Variants in RASGRP3 observed in about 807,000 individuals in gnomAD.
RASGRP3 encodes ras guanyl-releasing protein 3.
RASGRP3 carries 54 observed loss-of-function variants against 82.7 expected under a neutral mutation model. The observed-to-expected ratio is 0.65, with a 90% CI of 0.52 to 0.82. RASGRP3 has a LOEUF of 0.82. Among genes scored for constraint, RASGRP3 ranks in the 40% least tolerant of loss-of-function variants. The probability of loss-of-function intolerance (pLI) is 0.00; values close to 1 mark genes in which losing one functional copy is unlikely to be tolerated. For synonymous variants in RASGRP3, 309 were observed against 300.5 expected (o/e 1.03, Z -0.29); for missense variants, 861 against 828.9 (o/e 1.04, Z -0.48).
rs145482764 is a variant in RASGRP3, at chr2:33,554,869, G to A, written c.1543-662G>A. 2.8e-4 allele frequency among the ~76,000 whole-genome samples: 43 copies of A among 152,244 alleles called. No homozygotes were observed. The East Asian group carries it at 7.7e-3, about 27-fold the overall frequency. Reference sequence around the variant, plus strand: ...GAACCCCCTGGGCAAACGCTCCCTCGTGGAACTGCAGGCCCTCACATCTCC... The same window carrying A: ...GAACCCCCTGGGCAAACGCTCCCTCATGGAACTGCAGGCCCTCACATCTCC... On this transcript the variant is annotated intron_variant, in intron 14 of 17. Coordinates refer to ENST00000403687, the MANE Select transcript of RASGRP3 (RefSeq NM_001139488.2).
chr2:33,487,380 T>G (rs563177047), intron 1 of RASGRP3, among the ~76,000 whole-genome samples: 6 of 152,194 alleles, frequency 3.9e-5, no homozygotes, highest in African/African-American at 1.4e-4. Context: ...ACAATGATAA[T>G]AGAGAGGGTG....
rs529140661 is a variant in RASGRP3, at chr2:33,471,524, G to T, written c.-261+23581G>T. Among the ~76,000 whole-genome samples, 6 of 151,708 alleles carry T rather than the reference G, an allele frequency of 4.0e-5. No homozygotes were observed. The East Asian group carries it at 9.7e-4, about 24-fold the overall frequency. On this transcript the variant is annotated intron_variant, in intron 2 of 18. Transcript: ENST00000402538. ...AGGGCAACCTATGTTTACGTATGAA[G>T]TTAGTCTGTGGTTTTCTTTATTATG...
At position 33,562,812 on chromosome 2, in the gene RASGRP3, C is replaced by G. The variant is rs925221867; in HGVS notation, c.*75C>G. 1.9e-6 allele frequency: 3 copies of G among 1,551,550 alleles called. No homozygotes were observed. Among genetic ancestry groups the G allele is most frequent in the Non-Finnish European group, 2.7e-6 (3 of 1,125,084 alleles). ...AAGACGAGAAACTCTGAAGAAAGCT[C>G]TGACTCTCAGGAAGTTATCTGGAAA... On this transcript the variant is annotated 3_prime_UTR_variant, in exon 18 of 18. Transcript: ENST00000403687.
intron 2 of RASGRP3, among the ~76,000 whole-genome samples, chr2:33,457,085 G>A (rs1022811768): frequency 2.0e-5 from 3 of 151,738 alleles, no homozygotes; most frequent in South Asian, 2.1e-4. Context: ...TGACCAGGCT[G>A]GTCTCAAACT....
chr2:33,520,815 T>C (rs1406822514), intron 6 of RASGRP3, 131 bp downstream of exon 6: 1 of 1,282,898 alleles, frequency 7.8e-7, no homozygotes, highest in Admixed American at 2.1e-5. Context: ...AAAGCCTTGC[T>C]GCAGTGAGCG....
At chr2:33,533,470 T>C (rs527738629) in intron 10 of RASGRP3, 1 of 152,374 alleles carries the variant, frequency 6.6e-6, no homozygotes, top group Admixed American at 6.5e-5. Context: ...ATAACACTTC[T>C]TGAGATTTTA....
intron 1 of RASGRP3, among the ~76,000 whole-genome samples, chr2:33,508,015 A>C (rs1484129928): frequency 6.6e-6 from 1 of 152,198 alleles, no homozygotes; most frequent in African/African-American, 2.4e-5. Flanking sequence ...ATTTCTTTTG[A>C]AAATAGATTC....
chr2:33,506,082 C>A (rs1376169932), intron 1 of RASGRP3, among the ~76,000 whole-genome samples: 1 of 152,134 alleles, frequency 6.6e-6, no homozygotes, highest in Non-Finnish European at 1.5e-5. Context: ...TGCAACAAGG[C>A]CTTGTGAGAT....
chr2:33,490,343 A>G (rs1030063632), intron 1 of RASGRP3, among the ~76,000 whole-genome samples: 1 of 152,016 alleles, frequency 6.6e-6, no homozygotes, highest in Non-Finnish European at 1.5e-5. Flanking sequence ...TTGTTTCTTT[A>G]CCTCTCATTT....
intron 11 of RASGRP3, among the ~76,000 whole-genome samples, chr2:33,538,221 G>T (rs976731615): frequency 6.6e-6 from 1 of 152,192 alleles, no homozygotes; most frequent in East Asian, 1.9e-4. Flanking sequence ...ATGGAATTTA[G>T]TCTGGATGTG....
At chr2:33,516,703 AGAGT>A in intron 4 of RASGRP3, 59 bp downstream of exon 4, 1 of 1,180,596 alleles carries the variant, frequency 8.5e-7, no homozygotes, top group Non-Finnish European at 1.2e-6. Context: ...GTATTTAGAT[AGAGT>A]GTCTATCCAA....
In RASGRP3 at chr2:33,563,827, A is replaced by C. The variant is rs1362265678; in HGVS notation, c.*1090A>C. On this transcript the variant is annotated 3_prime_UTR_variant, in exon 18 of 18. Coordinates refer to ENST00000403687, the MANE Select transcript of RASGRP3 (RefSeq NM_001139488.2). ...TTAACATTTCATTTAAGCTTTTAAA[A>C]TATCAATTTTTTAAATAGCTCCCAT... 1 of 152,218 alleles carries C rather than the reference A, an allele frequency of 6.6e-6. No homozygotes were observed. The highest frequency in any genetic ancestry group is 2.4e-5 in the African/African-American group (1 of 41,474). The allele number at this position is 152,218 out of a possible 1,614,324, so 9.4% of individuals were successfully genotyped here.
At chr2:33,465,920 A>C (rs1431012865) in intron 2 of RASGRP3, among the ~76,000 whole-genome samples, 1 of 151,050 alleles carries the variant, frequency 6.6e-6, no homozygotes, top group Non-Finnish European at 1.5e-5. Flanking sequence ...ACATTTGTTT[A>C]TAGCCTGGTA....
At chr2:33,456,750 A>G (rs767718092) in intron 2 of RASGRP3, among the ~76,000 whole-genome samples, 10 of 152,274 alleles carry the variant, frequency 6.6e-5, no homozygotes, top group South Asian at 4.1e-4. Context: ...AATTAATCCA[A>G]TTCACACACA....
intron 1 of RASGRP3, among the ~76,000 whole-genome samples, chr2:33,441,182 G>C (rs1574210768): frequency 6.6e-6 from 1 of 152,060 alleles, no homozygotes; most frequent in East Asian, 1.9e-4. Flanking sequence ...GTGAGCCACG[G>C]CACCCAGCCT....
At chr2:33,524,667 A>G in intron 9 of RASGRP3, 119 bp downstream of exon 9, 3 of 736,862 alleles carry the variant, frequency 4.1e-6, no homozygotes, top group Non-Finnish European at 6.6e-6. Flanking sequence ...AACCAGTGGT[A>G]GGTTATAAAT....
chr2:33,542,462 T>A (rs1257199561), intron 12 of RASGRP3, among the ~76,000 whole-genome samples: 2 of 147,416 alleles, frequency 1.4e-5, no homozygotes, highest in Admixed American at 6.9e-5. Context: ...TCATTTAAAA[T>A]AAATCCCTAC....
intron 17 of RASGRP3, among the ~76,000 whole-genome samples, chr2:33,559,907 G>A (rs1277080162): frequency 6.6e-6 from 1 of 152,142 alleles, no homozygotes; most frequent in Non-Finnish European, 1.5e-5. Flanking sequence ...AAAAACTCCA[G>A]TGACCTTTAG....
rs983603386 is a variant in RASGRP3 at position 33,516,660 on chromosome 2, C to T, written c.173+16C>T. ...TTCTCTGCATATATCTTTTCAACTA[C>T]TGTGTAATTTTTACAATCATAAATC... On this transcript the variant is annotated intron_variant, in intron 4 of 17. Transcript: ENST00000403687. The T allele has an allele frequency of 1.4e-6, 2 of 1,457,412 alleles. No homozygotes were observed. Among genetic ancestry groups the T allele is most frequent in the South Asian group, 1.2e-5 (1 of 82,208 alleles). 90.3% of individuals were successfully genotyped at this position (1,457,412 alleles called of 1,614,324 possible). A position where few individuals can be genotyped will look rare whatever the true frequency, so the allele number is the denominator to read the frequency against.
Sources: gnomAD v4.1 joint callset for allele counts (sites outside exome capture counted in the v4.1 genomes callset) on GRCh38, gnomAD v4.1.1 for gene constraint, MANE v1.5 for transcripts, NCBI Gene and HGNC (gene_info 2026-07-23, HGNC 2026-07-21) for gene names.